Variants in MRTFB observed in about 807,000 individuals in gnomAD.
MRTFB encodes myocardin-related transcription factor B.
Under a neutral mutation model 104.2 loss-of-function variants are expected in MRTFB, and 29 were observed. The observed-to-expected ratio is 0.28, with a 90% CI of 0.21 to 0.38. The LOEUF (loss-of-function observed/expected upper bound fraction) is 0.38. MRTFB is among the 10% of genes least tolerant of loss of function. The probability of loss-of-function intolerance (pLI) is 1.00; values close to 1 mark genes in which losing one functional copy is unlikely to be tolerated. For missense variants in MRTFB, 1,270 were observed against 1,341.6 expected (o/e 0.95, Z 0.83); for synonymous variants, 535 against 519.5 (o/e 1.03, Z -0.41).
chr16:14,092,256 T>G (rs182137323), intron 2 of MRTFB, among the ~76,000 whole-genome samples: 1 of 152,272 alleles, frequency 6.6e-6, no homozygotes, highest in Admixed American at 6.5e-5. Flanking sequence ...GCTGCGATTC[T>G]CCAGATCCCA....
chr16:14,005,197 T>G, the MRTFB span, among the ~76,000 whole-genome samples: 1 of 152,258 alleles, frequency 6.6e-6, no homozygotes, highest in South Asian at 2.1e-4. Context: ...GCCAGCTTAT[T>G]TCTACATTTC....
At chr16:14,222,070 G>A (rs926474235) in intron 8 of MRTFB, among the ~76,000 whole-genome samples, 9 of 152,060 alleles carry the variant, frequency 5.9e-5, no homozygotes, top group African/African-American at 1.2e-4. Context: ...ATGAGCCGCC[G>A]CACCTGGCCC....
intron 1 of MRTFB, among the ~76,000 whole-genome samples, chr16:14,076,618 G>T (rs559062861): frequency 1.2e-4 from 19 of 152,296 alleles, no homozygotes; most frequent in African/African-American, 4.6e-4. Context: ...ATAACCTTGT[G>T]CACATATTAT....
At chr16:14,123,067 T>G (rs1324250876) in intron 2 of MRTFB, among the ~76,000 whole-genome samples, 1 of 152,262 alleles carries the variant, frequency 6.6e-6, no homozygotes, top group Non-Finnish European at 1.5e-5. Flanking sequence ...TTTCATATGT[T>G]TGTTGGCTGC....
chr16:14,081,314 CAG>C (rs1453116636), intron 2 of MRTFB, among the ~76,000 whole-genome samples: 1 of 122,868 alleles, frequency 8.1e-6, no homozygotes, highest in Admixed American at 8.8e-5. Flanking sequence ...TTTTTTGAGA[CAG>C]AGTTTCACTT....
At chr16:14,123,073 G>T (rs1407361834) in intron 2 of MRTFB, among the ~76,000 whole-genome samples, 5 of 152,168 alleles carry the variant, frequency 3.3e-5, no homozygotes, top group Non-Finnish European at 7.3e-5. Context: ...ATGTTTGTTG[G>T]CTGCATAAAT....
the MRTFB span, among the ~76,000 whole-genome samples, chr16:14,026,039 A>C: frequency 6.6e-6 from 1 of 152,240 alleles, no homozygotes; most frequent in African/African-American, 2.4e-5. Context: ...TATAGATGTC[A>C]GTTCTCCCCA....
rs989915028 is a variant in MRTFB at position 14,261,704 on chromosome 16, C to T, written c.*260C>T. 2.5e-6 allele frequency: 1 copy of T among 408,032 alleles called. No individual in the cohort carries two copies. Among genetic ancestry groups the T allele is most frequent in the Admixed American group, 4.1e-5 (1 of 24,658 alleles). The allele number at this position is 408,032 out of a possible 1,614,324, so 25.3% of individuals were successfully genotyped here. Reference sequence around the variant, plus strand: ...AAGACGACTCATCTATTTCTCCAGACTTCAGTAAAGAATGAAAAGTACCTT... The same window carrying T: ...AAGACGACTCATCTATTTCTCCAGATTTCAGTAAAGAATGAAAAGTACCTT... On this transcript the variant is annotated 3_prime_UTR_variant, in exon 17 of 17. Coordinates refer to ENST00000571589, the MANE Select transcript of MRTFB (RefSeq NM_001308142.2).
intron 7 of MRTFB, among the ~76,000 whole-genome samples, chr16:14,217,622 T>C (rs911928557): frequency 1.3e-5 from 2 of 152,198 alleles, no homozygotes; most frequent in African/African-American, 4.8e-5. Flanking sequence ...AGCTTTAAAG[T>C]CATACCAGTG....
rs1207314955 is a variant in MRTFB, at chr16:14,177,083, A to G, written c.155-33160A>G. ...AAAAACTTGTACAAAAACAAGGACA[A>G]CACAGAGTGTATTAGTGAATACCAA... On this transcript the variant is annotated intron_variant, in intron 3 of 16. Coordinates refer to ENST00000571589, the MANE Select transcript of MRTFB (RefSeq NM_001308142.2). This position sits in a 1 kb window ranked among gnomAD's most constrained non-coding sequence, Gnocchi z 4.7. 6.6e-6 allele frequency among the ~76,000 whole-genome samples: 1 copy of G among 152,246 alleles called. No individual in the cohort carries two copies. The highest frequency in any genetic ancestry group is 1.5e-5 in the Non-Finnish European group (1 of 68,038).
At chr16:14,031,641 G>A in the MRTFB span, among the ~76,000 whole-genome samples, 1 of 152,132 alleles carries the variant, frequency 6.6e-6, no homozygotes, top group East Asian at 1.9e-4. Context: ...CTCCTGGTCA[G>A]AGCCACTAAA....
chr16:14,114,712 A>G (rs1350245706), intron 2 of MRTFB, among the ~76,000 whole-genome samples: 2 of 152,076 alleles, frequency 1.3e-5, no homozygotes, highest in Non-Finnish European at 2.9e-5. Context: ...CTCAGTTTAA[A>G]TGTTGCATTT....
chr16:14,171,452 T>C lies in MRTFB; in HGVS notation c.154+30692T>C, dbSNP rs536766411. On this transcript the variant is annotated intron_variant, in intron 3 of 16. Coordinates refer to ENST00000571589, the MANE Select transcript of MRTFB (RefSeq NM_001308142.2). ...AGAGGTTGCAGTGAGTGAGCTGAGA[T>C]TGTGCCACTTCATTCCAGCCTGGGC... Among the ~76,000 whole-genome samples, 304 of 151,968 alleles carry C rather than the reference T, an allele frequency of 2.0e-3. 2 individuals carry two copies. The highest frequency in any genetic ancestry group is 6.9e-3 in the African/African-American group (285 of 41,396).
the MRTFB span, among the ~76,000 whole-genome samples, chr16:14,052,054 A>G: frequency 2.0e-5 from 3 of 152,116 alleles, no homozygotes; most frequent in African/African-American, 4.8e-5. Context: ...TTCCCCATCC[A>G]TGTGAAGCGC....
intron 2 of MRTFB, among the ~76,000 whole-genome samples, chr16:14,091,127 C>G (rs1280911746): frequency 6.6e-6 from 1 of 151,982 alleles, no homozygotes; most frequent in African/African-American, 2.4e-5. Flanking sequence ...ATGCAAGGGG[C>G]AGGTCTAGAG....
intron 15 of MRTFB, 49 bp downstream of exon 15, chr16:14,252,551 A>T: frequency 6.2e-7 from 1 of 1,608,204 alleles, no homozygotes; most frequent in Non-Finnish European, 8.5e-7. Flanking sequence ...GGATGTGCCC[A>T]CGTTCAGTCT....
the MRTFB span, among the ~76,000 whole-genome samples, chr16:14,031,263 T>C: frequency 6.6e-6 from 1 of 152,082 alleles, no homozygotes; most frequent in South Asian, 2.1e-4. Context: ...TGATGGCACA[T>C]GTCTGTAGTC....
the MRTFB span, among the ~76,000 whole-genome samples, chr16:14,040,035 A>T: frequency 1.3e-5 from 2 of 152,222 alleles, no homozygotes; most frequent in African/African-American, 4.8e-5. Flanking sequence ...GGCGTGAGCC[A>T]CCGCGCCCAG....
the MRTFB span, among the ~76,000 whole-genome samples, chr16:14,044,844 C>T: frequency 2.0e-5 from 3 of 152,186 alleles, no homozygotes; most frequent in African/African-American, 7.2e-5. Context: ...GAGGCCCTTG[C>T]TGACCTCTGT....
Sources: allele counts gnomAD v4.1 joint callset (sites outside exome capture counted in the v4.1 genomes callset), GRCh38; gene constraint gnomAD v4.1.1; non-coding constraint Gnocchi (gnomAD v3.1); transcripts MANE v1.5; gene names NCBI Gene and HGNC (gene_info 2026-07-23, HGNC 2026-07-21).